The following NANOGNB variants were observed in gnomAD, a reference collection of about 807,000 sequenced individuals.
NANOGNB encodes the protein homeobox C14.
Under a neutral mutation model 25.0 loss-of-function variants are expected in NANOGNB, and 30 were observed. That is an observed-to-expected ratio of 1.20 (90% CI 0.90 to 1.63). The LOEUF is 1.63. Ranked by LOEUF, NANOGNB falls within the 40% of genes most tolerant of loss-of-function variation. The pLI, the probability that NANOGNB is intolerant of heterozygous loss-of-function variation, is 0.00. For synonymous variants in NANOGNB, 84 were observed against 62.1 expected (o/e 1.35, Z -1.66); for missense variants, 200 against 188.1 (o/e 1.06, Z -0.37).
rs1357079068 is a variant in NANOGNB at position 7,765,329 on chromosome 12, G to A, written c.44G>A (p.Trp15Ter). 17 of 893,116 alleles carry A rather than the reference G, an allele frequency of 1.9e-5. No homozygotes were observed. Among genetic ancestry groups the A allele is most frequent in the Non-Finnish European group, 2.5e-5 (16 of 632,684 alleles). The allele number at this position is 893,116 out of a possible 1,614,324, so 55.3% of individuals were successfully genotyped here. A position where few individuals can be genotyped will look rare whatever the true frequency, so the allele number is the denominator to read the frequency against. Residue 15 changes from tryptophan (W) to a stop codon, truncating the protein, a stop_gained, in exon 1 of 4, where the codon TGG becomes TAG. Transcript: ENST00000382119. LOFTEE classifies it high-confidence loss of function. ...CTCACGCCTGTAATCCCAGCACTTT[G>A]GGAGGCCGAGGCGGGCAGATCACGA... ...RWLTPVIPAL[W>*]EAEAGRSRGQ...
Position 7,773,868 on chromosome 12 carries a change from T to C in NANOGNB, c.*17T>C. On this transcript the variant is annotated 3_prime_UTR_variant, in exon 4 of 4. Coordinates refer to ENST00000382119, the MANE Select transcript of NANOGNB (RefSeq NM_001145465.1). Reference sequence around the variant, plus strand: ...CTCAAGTGATCTTCCTATTTTGGCCTCCAGAAATGCTGTGATTACAAGCAT... The same window carrying C: ...CTCAAGTGATCTTCCTATTTTGGCCCCCAGAAATGCTGTGATTACAAGCAT... 1 of 609,904 alleles carries C rather than the reference T, an allele frequency of 1.6e-6. No homozygotes were observed. The highest frequency in any genetic ancestry group is 2.9e-6 in the Non-Finnish European group (1 of 343,946). 37.8% of individuals were successfully genotyped at this position (609,904 alleles called of 1,614,324 possible).
chr12:7,773,171 G>T, intron 3 of NANOGNB, among the ~76,000 whole-genome samples: 1 of 139,146 alleles, frequency 7.2e-6, no homozygotes, highest in Non-Finnish European at 1.5e-5. Flanking sequence ...TGCCCACGCT[G>T]GTCTCAAACT....
chr12:7,769,997 G>A lies in NANOGNB; in HGVS notation c.117G>A (p.Met39Ile), dbSNP rs1260603097. The change falls in exon 2 of 4, where the codon ATG becomes ATA. Residue 39 changes from methionine (M) to isoleucine (I), a missense_variant. By Grantham distance (10) the Met-to-Ile change is conservative. Transcript: ENST00000382119. ...TILANKKQSA[M>I]PWDQDPEQST... Reference sequence around the variant, plus strand: ...TTTTTATACAGAAACAATCAGCTATGCCTTGGGATCAAGATCCAGAACAAT... The same window carrying A: ...TTTTTATACAGAAACAATCAGCTATACCTTGGGATCAAGATCCAGAACAAT... 6 of 1,515,086 alleles carry A rather than the reference G, an allele frequency of 4.0e-6. No homozygotes were observed. The highest frequency in any genetic ancestry group is 5.3e-6 in the Non-Finnish European group (6 of 1,136,466). The allele number at this position is 1,515,086 out of a possible 1,614,324, so 93.9% of individuals were successfully genotyped here.
At chr12:7,769,836 T>G in intron 1 of NANOGNB, 147 bp from the exon 2 acceptor site, 1 of 704,998 alleles carries the variant, frequency 1.4e-6, no homozygotes, top group Non-Finnish European at 2.3e-6. Flanking sequence ...TCAAGTTCAC[T>G]TTTTCTTTGC....
At position 7,773,546 on chromosome 12, in the gene NANOGNB, C is replaced by CAAAAAAAAAAAAAAA. The variant is rs869038102; in HGVS notation, c.516-235_516-221dup. Among the ~76,000 whole-genome samples, 46 of 15,444 alleles carry CAAAAAAAAAAAAAAA rather than the reference C, an allele frequency of 3.0e-3. 10 individuals are homozygous for CAAAAAAAAAAAAAAA. Among genetic ancestry groups the CAAAAAAAAAAAAAAA allele is most frequent in the South Asian group, 5.7e-3 (1 of 176 alleles). 10.1% of individuals were successfully genotyped at this position (15,444 alleles called of 152,430 possible). On this transcript the variant is annotated intron_variant, in intron 3 of 3. Transcript: ENST00000382119. Reference sequence around the variant, plus strand: ...TGAAACTCCATCTCTACTAAAAATACAAAAAAAAAAAAAAAAAAAAAAAAA... The same window carrying CAAAAAAAAAAAAAAA: ...TGAAACTCCATCTCTACTAAAAATACAAAAAAAAAAAAAAAAAAAAAAAAAAAAAAAAAAAAAAAA...
intron 1 of NANOGNB, 52 bp downstream of exon 1, chr12:7,765,439 G>T (rs769940079): frequency 2.8e-6 from 1 of 351,194 alleles, no homozygotes; most frequent in Non-Finnish European, 5.5e-6. Flanking sequence ...GCGTGGTGGC[G>T]GGCGCCTGTA....
rs63721661 is a variant in NANOGNB at position 7,767,381 on chromosome 12, GTTT to G, written c.102+2008_102+2010del. On this transcript the variant is annotated intron_variant, in intron 1 of 3. Coordinates refer to ENST00000382119, the MANE Select transcript of NANOGNB (RefSeq NM_001145465.1). ...ATAGAAGGATGTGGGTTACAAGAGG[GTTT>G]TTTTTTTTTTTTTCTAACAAAAGAA... 2.1e-5 allele frequency among the ~76,000 whole-genome samples: 3 copies of G among 140,264 alleles called. No homozygotes were observed. The Admixed American group carries it at 2.2e-4, about 10-fold the overall frequency. The allele number at this position is 140,264 out of a possible 152,430, so 92.0% of individuals were successfully genotyped here. A position where few individuals can be genotyped will look rare whatever the true frequency, so the allele number is the denominator to read the frequency against.
Position 7,770,243 on chromosome 12 carries a change from TAAGTTA to T in NANOGNB, c.366_371del (p.Lys122_Leu123del). On this transcript the variant is annotated inframe_deletion, in exon 2 of 4. Coordinates refer to ENST00000382119, the MANE Select transcript of NANOGNB (RefSeq NM_001145465.1). Reference sequence around the variant, plus strand: ...TCATGCATACTCTCTGGGCAAAGTTTAAGTTAAACAGGTGCCCCACTATACAAGAGA... The same window carrying T: ...TCATGCATACTCTCTGGGCAAAGTTTAACAGGTGCCCCACTATACAAGAGA... 1 of 1,550,466 alleles carries T rather than the reference TAAGTTA, an allele frequency of 6.4e-7. No individual in the cohort carries two copies. Among genetic ancestry groups the T allele is most frequent in the South Asian group, 1.2e-5 (1 of 83,342 alleles).
Position 7,774,005 on chromosome 12 carries a change from C to G in NANOGNB, c.*154C>G. The G allele has an allele frequency of 2.3e-6, 1 of 430,382 alleles. No homozygotes were observed. Among genetic ancestry groups the G allele is most frequent in the Non-Finnish European group, 4.1e-6 (1 of 245,670 alleles). The allele number at this position is 430,382 out of a possible 1,614,324, so 26.7% of individuals were successfully genotyped here. ...CAGTCGTTGATTCCGTGGAGTAGAA[C>G]TAAATGAGGGGTATGCAAAGGAGTT... On this transcript the variant is annotated 3_prime_UTR_variant, in exon 4 of 4. Coordinates refer to ENST00000382119, the MANE Select transcript of NANOGNB (RefSeq NM_001145465.1).
intron 3 of NANOGNB, among the ~76,000 whole-genome samples, chr12:7,771,547 C>T (rs558359138): frequency 5.9e-5 from 9 of 151,894 alleles, no homozygotes; most frequent in African/African-American, 2.2e-4. Context: ...AGCACTAGAC[C>T]GTATATAGAA....
chr12:7,765,283 T>G lies in NANOGNB; in HGVS notation c.-3T>G. ...AGGACTAATTGGTCTTTAAAACTCC[T>G]CAATGCACCGGGCGCGGTGGCTCAC... On this transcript the variant is annotated 5_prime_UTR_variant, in exon 1 of 4. Coordinates refer to ENST00000382119, the MANE Select transcript of NANOGNB (RefSeq NM_001145465.1). 1.6e-6 allele frequency: 2 copies of G among 1,285,656 alleles called. No individual in the cohort carries two copies. The highest frequency in any genetic ancestry group is 2.0e-6 in the Non-Finnish European group (2 of 985,692). The allele number at this position is 1,285,656 out of a possible 1,614,324, so 79.6% of individuals were successfully genotyped here.
chr12:7,768,078 G>A (rs1255175402), intron 1 of NANOGNB, among the ~76,000 whole-genome samples: 1 of 151,952 alleles, frequency 6.6e-6, no homozygotes, highest in Non-Finnish European at 1.5e-5. Flanking sequence ...TTCCTTTTGT[G>A]GCTAAATAAT....
At position 7,769,980 on chromosome 12, in the gene NANOGNB, C is replaced by T. The variant is rs1045545449; in HGVS notation, c.103-3C>T. 6.7e-7 allele frequency: 1 copy of T among 1,494,016 alleles called. No individual in the cohort carries two copies. Among genetic ancestry groups the T allele is most frequent in the African/African-American group, 1.4e-5 (1 of 70,000 alleles). 92.5% of individuals were successfully genotyped at this position (1,494,016 alleles called of 1,614,324 possible). On this transcript the variant is annotated splice_region_variant and splice_polypyrimidine_tract_variant and intron_variant, in intron 1 of 3. Transcript: ENST00000382119. ...ATTTTATTCCACGGATCTTTTTATA[C>T]AGAAACAATCAGCTATGCCTTGGGA... is the stretch of plus-strand genomic sequence containing the variant.
At chr12:7,772,744 C>T (rs1862593197) in intron 3 of NANOGNB, among the ~76,000 whole-genome samples, 1 of 151,898 alleles carries the variant, frequency 6.6e-6, no homozygotes, top group Non-Finnish European at 1.5e-5. Flanking sequence ...CCACCACACC[C>T]AGCTAATTTT....
At chr12:7,766,833 TTTG>T (rs1030574853) in intron 1 of NANOGNB, among the ~76,000 whole-genome samples, 2 of 151,940 alleles carry the variant, frequency 1.3e-5, no homozygotes, top group African/African-American at 4.8e-5. Flanking sequence ...TGGCCTTTGT[TTTG>T]TTGTTGTTTG....
rs1862611030 is a variant in NANOGNB at position 7,773,793 on chromosome 12, T to TA, written c.516-4dup. ...AAACTCTTTTTTTTTTTTTTTTTTT[T>TA]AAACAGATGGAGATCTCTGTGTTGC... On this transcript the variant is annotated splice_polypyrimidine_tract_variant and splice_region_variant and intron_variant, in intron 3 of 3. Coordinates refer to ENST00000382119, the MANE Select transcript of NANOGNB (RefSeq NM_001145465.1). 2 of 630,172 alleles carry TA rather than the reference T, an allele frequency of 3.2e-6. No homozygotes were observed. Among genetic ancestry groups the TA allele is most frequent in the Admixed American group, 2.7e-5 (1 of 36,698 alleles). The allele number at this position is 630,172 out of a possible 1,614,324, so 39.0% of individuals were successfully genotyped here.
At chr12:7,766,566 A>T (rs1391280877) in intron 1 of NANOGNB, among the ~76,000 whole-genome samples, 2 of 152,166 alleles carry the variant, frequency 1.3e-5, no homozygotes, top group East Asian at 3.8e-4. Flanking sequence ...GAAATTGGCC[A>T]TTTGATTTCT....
chr12:7,773,765 G>A (rs1862610286), intron 3 of NANOGNB, 35 bp from the exon 4 acceptor site: 1 of 620,848 alleles, frequency 1.6e-6, no homozygotes, highest in Non-Finnish European at 2.8e-6. Flanking sequence ...AGACTGTGTT[G>A]CGAAACTCTT....
chr12:7,770,541 A>G (rs1428639038), intron 3 of NANOGNB, 23 bp downstream of exon 3: 3 of 1,383,438 alleles, frequency 2.2e-6, no homozygotes, highest in African/African-American at 1.5e-5. Context: ...TTCTTGTAAA[A>G]TAAAAGGAAG....
Sources: allele counts gnomAD v4.1 joint callset (sites outside exome capture counted in the v4.1 genomes callset), GRCh38; gene constraint gnomAD v4.1.1; transcripts MANE v1.5; gene names NCBI Gene and HGNC (gene_info 2026-07-23, HGNC 2026-07-21).